Variants in NELL1 observed in about 807,000 individuals in gnomAD.
The protein encoded by NELL1 is neural EGFL like 1, also known as protein kinase C-binding protein NELL1.
NELL1 carries 76 observed loss-of-function variants against 107.4 expected under a neutral mutation model. That is an observed-to-expected ratio of 0.71 (90% CI 0.59 to 0.86). The LOEUF is 0.86. Ranked by LOEUF, NELL1 falls within the 40% of genes least tolerant of loss-of-function variation. NELL1 has a pLI of 0.00. For missense variants in NELL1, 1,024 were observed against 1,005.5 expected (o/e 1.02, Z -0.25); for synonymous variants, 353 against 341.2 (o/e 1.03, Z -0.38).
At chr11:21,154,140 G>A (rs1431762336) in intron 13 of NELL1, among the ~76,000 whole-genome samples, 2 of 152,152 alleles carry the variant, frequency 1.3e-5, no homozygotes, top group East Asian at 1.9e-4. Context: ...TGATTGAGCT[G>A]AGACCAGTTA....
chr11:20,706,755 T>C (rs1854971661), intron 2 of NELL1, among the ~76,000 whole-genome samples: 1 of 152,198 alleles, frequency 6.6e-6, no homozygotes, highest in Non-Finnish European at 1.5e-5. Flanking sequence ...CCTCTCTTAG[T>C]CTGATGGGCT....
At chr11:20,863,739 TGGGA>T (rs1035020650) in intron 4 of NELL1, among the ~76,000 whole-genome samples, 1 of 152,080 alleles carries the variant, frequency 6.6e-6, no homozygotes, top group Admixed American at 6.5e-5. Context: ...CTCCGCACTC[TGGGA>T]GGCCAAGGCA....
At chr11:20,898,035 A>G (rs1391182414) in intron 5 of NELL1, among the ~76,000 whole-genome samples, 1 of 152,202 alleles carries the variant, frequency 6.6e-6, no homozygotes. Context: ...ATCTAGAACT[A>G]GAAATACCAT....
chr11:21,555,311 T>C (rs906962790), intron 16 of NELL1, among the ~76,000 whole-genome samples: 1 of 151,936 alleles, frequency 6.6e-6, no homozygotes, highest in African/African-American at 2.4e-5. Flanking sequence ...TTTGTTATAA[T>C]ACTTTTTAAG....
intron 13 of NELL1, among the ~76,000 whole-genome samples, chr11:21,218,652 C>CT (rs1857677552): frequency 6.6e-6 from 1 of 152,020 alleles, no homozygotes; most frequent in South Asian, 2.1e-4. Context: ...TATCTACTAT[C>CT]TTTTCCAGCT....
At chr11:21,208,373 C>T (rs1413514410) in intron 13 of NELL1, among the ~76,000 whole-genome samples, 2 of 151,082 alleles carry the variant, frequency 1.3e-5, no homozygotes, top group Admixed American at 6.6e-5. Context: ...TTTTAACATG[C>T]ATTTTATAGA....
At chr11:21,556,729 T>C (rs867137277) in intron 16 of NELL1, among the ~76,000 whole-genome samples, 2 of 151,942 alleles carry the variant, frequency 1.3e-5, no homozygotes, top group Non-Finnish European at 1.5e-5. Context: ...TTAGTTCTAA[T>C]GCAAGCTTAG....
chr11:20,895,196 C>A (rs1849701434), intron 5 of NELL1, among the ~76,000 whole-genome samples: 1 of 119,994 alleles, frequency 8.3e-6, no homozygotes, highest in African/African-American at 3.4e-5. Context: ...GGCGTGAACC[C>A]GGGAGGCGGA....
intron 11 of NELL1, among the ~76,000 whole-genome samples, chr11:20,948,401 T>C (rs1001847599): frequency 6.6e-6 from 1 of 152,038 alleles, no homozygotes; most frequent in Non-Finnish European, 1.5e-5. Flanking sequence ...ATTTTGGGTG[T>C]ACATGTGATC....
chr11:21,481,579 G>T (rs976211219), intron 15 of NELL1, among the ~76,000 whole-genome samples: 1 of 152,186 alleles, frequency 6.6e-6, no homozygotes, highest in African/African-American at 2.4e-5. Flanking sequence ...TCCTATTGCT[G>T]ATGAGAATAG....
intron 14 of NELL1, among the ~76,000 whole-genome samples, chr11:21,324,098 C>T (rs998226401): frequency 6.6e-6 from 1 of 152,030 alleles, no homozygotes; most frequent in African/African-American, 2.4e-5. Flanking sequence ...AATAAACTAC[C>T]CATGTGCCAG....
intron 15 of NELL1, among the ~76,000 whole-genome samples, chr11:21,512,533 G>GA (rs1414045006): frequency 6.6e-6 from 1 of 151,978 alleles, no homozygotes; most frequent in South Asian, 2.1e-4. Flanking sequence ...CTCCCTCAAG[G>GA]AAAATGTACT....
chr11:21,573,314 A>G lies in NELL1; in HGVS notation c.2287A>G (p.Ile763Val), dbSNP rs1857147757. The stretch of plus-strand genomic sequence containing the variant: ...CCTAGCTGATAACATCACCTATGAC[A>G]TCAGAAAAACTTGCCTGGACAGCTA... ...PCLADNITYD[I>V]RKTCLDSYGV... The change falls in exon 19 of 20, where the codon ATC (isoleucine) becomes GTC (valine). Residue 763 changes from isoleucine (I) to valine (V), a missense_variant. Coordinates refer to ENST00000357134, the MANE Select transcript of NELL1 (RefSeq NM_006157.5). The G allele has an allele frequency of 1.2e-6, 2 of 1,612,484 alleles. No individual in the cohort carries two copies. Among genetic ancestry groups the G allele is most frequent in the African/African-American group, 1.3e-5 (1 of 74,770 alleles).
intron 13 of NELL1, among the ~76,000 whole-genome samples, chr11:21,210,282 C>G (rs1857471536): frequency 6.6e-6 from 1 of 151,978 alleles, no homozygotes. Context: ...ATGTGGTAAC[C>G]CTGTGTTTGT....
At chr11:21,053,332 C>T (rs1193279330) in intron 12 of NELL1, among the ~76,000 whole-genome samples, 1 of 152,072 alleles carries the variant, frequency 6.6e-6, no homozygotes, top group African/African-American at 2.4e-5. Flanking sequence ...CATGTGTTTT[C>T]ATTGTTCAAC....
At chr11:21,284,648 G>C (rs997986177) in intron 14 of NELL1, 8 of 398,290 alleles carry the variant, frequency 2.0e-5, no homozygotes, top group Admixed American at 7.8e-5. Context: ...GCACAGGTTT[G>C]ATTGGTGGGG....
In NELL1 at chr11:20,755,545, T is replaced by A. The variant is rs958368423; in HGVS notation, c.185-28135T>A. Among the ~76,000 whole-genome samples the A allele has an allele frequency of 3.8e-3, 154 of 40,518 alleles. 3 individuals are homozygous for A. Among genetic ancestry groups the A allele is most frequent in the Middle Eastern group, 0.045 (2 of 44 alleles). 26.6% of individuals were successfully genotyped at this position (40,518 alleles called of 152,430 possible). On this transcript the variant is annotated intron_variant, in intron 2 of 19. Transcript: ENST00000357134. Reference sequence around the variant, plus strand: ...AAAGACCTGTGTGGGTTTTTGTTTTTTTTTGTTTTTGTTTTTGTTTTTTTT... The same window carrying A: ...AAAGACCTGTGTGGGTTTTTGTTTTATTTTGTTTTTGTTTTTGTTTTTTTT...
At chr11:20,786,888 G>A (rs1269241089) in intron 3 of NELL1, among the ~76,000 whole-genome samples, 1 of 150,526 alleles carries the variant, frequency 6.6e-6, no homozygotes, top group Non-Finnish European at 1.5e-5. Flanking sequence ...GGCGCCTGTA[G>A]TCCCAGCTAC....
At chr11:20,910,445 A>T (rs1850102639) in intron 5 of NELL1, among the ~76,000 whole-genome samples, 1 of 152,116 alleles carries the variant, frequency 6.6e-6, no homozygotes, top group Middle Eastern at 3.2e-3. Flanking sequence ...TCATTCTATC[A>T]CATACTTTCC....
Sources: allele counts gnomAD v4.1 joint callset (sites outside exome capture counted in the v4.1 genomes callset), GRCh38; gene constraint gnomAD v4.1.1; transcripts MANE v1.5; gene names NCBI Gene and HGNC (gene_info 2026-07-23, HGNC 2026-07-21).